Variants in SLC43A1 observed in about 807,000 individuals in gnomAD.
The protein encoded by SLC43A1 is solute carrier family 43 member 1.
In SLC43A1, 31 loss-of-function variants were observed where a neutral mutation model predicts 59.5. The observed-to-expected ratio is 0.52, with a 90% CI of 0.39 to 0.70. The LOEUF (loss-of-function observed/expected upper bound fraction) is 0.70. Among genes scored for constraint, SLC43A1 ranks in the 30% least tolerant of loss-of-function variants. SLC43A1 has a pLI of 0.00. For synonymous variants in SLC43A1, 259 were observed against 290.9 expected, an observed-to-expected ratio of 0.89 and a Z score of 1.12; for missense variants, 598 against 717.8, an observed-to-expected ratio of 0.83 and a Z score of 1.91.
chr11:57,503,297 GTTT>G (rs11402480), intron 2 of SLC43A1, among the ~76,000 whole-genome samples: 3 of 115,862 alleles, frequency 2.6e-5, no homozygotes, highest in African/African-American at 9.9e-5. Context: ...TTCTCTACAG[GTTT>G]TTTTTTTTTT....
chr11:57,496,015 C>A lies in SLC43A1; in HGVS notation c.692+16G>T. On this transcript the variant is annotated intron_variant, in intron 7 of 14. Coordinates refer to ENST00000278426, the MANE Select transcript of SLC43A1 (RefSeq NM_003627.6). ...CTCTGCCCCAGGGAGAGTCTCTGCC[C>A]ACTCCAGCCACTCACGTGTAATTGA... The A allele has an allele frequency of 6.2e-7, 1 of 1,613,316 alleles. No homozygotes were observed. The highest frequency in any genetic ancestry group is 8.5e-7 in the Non-Finnish European group (1 of 1,179,580).
chr11:57,494,199 G>C, intron 7 of SLC43A1, 28 bp from the exon 8 acceptor site: 1 of 1,597,392 alleles, frequency 6.3e-7, no homozygotes, highest in Non-Finnish European at 8.5e-7. Context: ...AGAGTGTAGA[G>C]GAACCAGTCA....
intron 10 of SLC43A1, 58 bp downstream of exon 10, chr11:57,491,531 CCT>C (rs1204888186): frequency 1.2e-6 from 2 of 1,608,784 alleles, no homozygotes; most frequent in Non-Finnish European, 1.7e-6. Context: ...AGTCCCGCCC[CCT>C]GAGAAGCGGG....
intron 5 of SLC43A1, 126 bp downstream of exon 5, chr11:57,500,653 A>T: frequency 1.3e-6 from 1 of 795,620 alleles, no homozygotes; most frequent in Non-Finnish European, 2.1e-6. Flanking sequence ...TCACACACTC[A>T]CTTGATCTAG....
intron 2 of SLC43A1, among the ~76,000 whole-genome samples, chr11:57,506,513 T>C (rs1235958412): frequency 6.6e-6 from 1 of 152,096 alleles, no homozygotes; most frequent in Non-Finnish European, 1.5e-5. Context: ...TCCAGTCTGG[T>C]GACAGAGTGA....
chr11:57,505,495 G>A (rs1944371959), intron 2 of SLC43A1, among the ~76,000 whole-genome samples: 4 of 151,686 alleles, frequency 2.6e-5, no homozygotes, highest in Admixed American at 6.6e-5. Flanking sequence ...CTGGGCTACA[G>A]AGAGAGACTC....
intron 8 of SLC43A1, among the ~76,000 whole-genome samples, chr11:57,493,286 G>A (rs929920234): frequency 1.3e-5 from 2 of 152,112 alleles, no homozygotes; most frequent in Non-Finnish European, 2.9e-5. Context: ...TCGGCACTGG[G>A]GGTAACCACC....
At chr11:57,512,483 G>A (rs1944573423) in intron 2 of SLC43A1, among the ~76,000 whole-genome samples, 1 of 151,584 alleles carries the variant, frequency 6.6e-6, no homozygotes, top group Non-Finnish European at 1.5e-5. Context: ...GGAGAAGGTT[G>A]CAGTGAGCGA....
intron 2 of SLC43A1, among the ~76,000 whole-genome samples, chr11:57,505,152 G>T (rs1480250245): frequency 6.6e-6 from 1 of 152,212 alleles, no homozygotes; most frequent in African/African-American, 2.4e-5. Flanking sequence ...ACTCAAGATG[G>T]GTTCAGGAAG....
intron 8 of SLC43A1, among the ~76,000 whole-genome samples, chr11:57,492,217 A>ATATT (rs1268138418): frequency 2.1e-5 from 3 of 141,864 alleles, no homozygotes; most frequent in South Asian, 2.1e-4. Context: ...ATATATATAT[A>ATATT]TATTTATTTA....
At chr11:57,510,286 A>G (rs1208585997) in intron 2 of SLC43A1, among the ~76,000 whole-genome samples, 2 of 151,610 alleles carry the variant, frequency 1.3e-5, no homozygotes, top group Non-Finnish European at 2.9e-5. Flanking sequence ...GTGAAACCCC[A>G]TCTCTACTGA....
chr11:57,502,930 G>T (rs1408998563), intron 2 of SLC43A1, among the ~76,000 whole-genome samples: 1 of 151,646 alleles, frequency 6.6e-6, no homozygotes, highest in African/African-American at 2.4e-5. Context: ...AAACCAACAA[G>T]GGGACAAGGG....
At chr11:57,498,124 A>G (rs777217964) in intron 5 of SLC43A1, among the ~76,000 whole-genome samples, 2 of 152,234 alleles carry the variant, frequency 1.3e-5, no homozygotes, top group East Asian at 3.9e-4. Flanking sequence ...CCTCTGAAAA[A>G]CACATGGAAT....
rs5792045 is a variant in SLC43A1 at position 57,499,326 on chromosome 11, C to CAAA, written c.465+1450_465+1452dup. 5.1e-3 allele frequency among the ~76,000 whole-genome samples: 721 copies of CAAA among 141,726 alleles called. 7 individuals are homozygous for CAAA. The highest frequency in any genetic ancestry group is 0.018 in the South Asian group (82 of 4,576). 93.0% of individuals were successfully genotyped at this position (141,726 alleles called of 152,430 possible). Reference sequence around the variant, plus strand: ...GCGACACTGCGAGACTCCGTCTCAACAAAAAAAAAAAAAATGGTGTTTAAA... The same window carrying CAAA: ...GCGACACTGCGAGACTCCGTCTCAACAAAAAAAAAAAAAAAAATGGTGTTTAAA... On this transcript the variant is annotated intron_variant, in intron 5 of 14. Coordinates refer to ENST00000278426, the MANE Select transcript of SLC43A1 (RefSeq NM_003627.6).
intron 8 of SLC43A1, among the ~76,000 whole-genome samples, chr11:57,492,320 G>T (rs1212749881): frequency 7.1e-6 from 1 of 140,516 alleles, no homozygotes; most frequent in African/African-American, 2.6e-5. Context: ...AGGCATGGTG[G>T]TGCACACCTG....
At chr11:57,511,411 G>T (rs1055773971) in intron 2 of SLC43A1, among the ~76,000 whole-genome samples, 3 of 151,956 alleles carry the variant, frequency 2.0e-5, no homozygotes, top group Non-Finnish European at 4.4e-5. Flanking sequence ...CTGGGTCACT[G>T]AGTGAGAGAC....
rs764678946 is a variant in SLC43A1 at position 57,488,974 on chromosome 11, G to C, written c.1351C>G (p.Leu451Val). Residue 451 changes from leucine (L) to valine (V), a missense_variant, in exon 13 of 15, where the codon CTG (leucine) becomes GTG (valine). Physicochemically the swap from Leu to Val is conservative, Grantham distance 32. Coordinates refer to ENST00000278426, the MANE Select transcript of SLC43A1 (RefSeq NM_003627.6). The stretch of plus-strand genomic sequence containing the variant: ...AAGAAACCTCGAACAATGGTGTGCA[G>C]GACAAAGGTCACAAACTAAAACCAA... ...NLHLQFVTFV[L>V]HTIVRGFFHS... The C allele has an allele frequency of 6.8e-6, 11 of 1,614,136 alleles. No homozygotes were observed. The highest frequency in any genetic ancestry group is 6.8e-6 in the Non-Finnish European group (8 of 1,179,962).
Position 57,485,251 on chromosome 11 carries a change from C to T in SLC43A1, c.1534-9G>A. On this transcript the variant is annotated splice_polypyrimidine_tract_variant and intron_variant, in intron 14 of 14. Coordinates refer to ENST00000278426, the MANE Select transcript of SLC43A1 (RefSeq NM_003627.6). Reference sequence around the variant, plus strand: ...AGGAGGCCCAGATTCACCTTTAGGGCAAGGAGAGAGAAACAGAGTCAAGTA... The same window carrying T: ...AGGAGGCCCAGATTCACCTTTAGGGTAAGGAGAGAGAAACAGAGTCAAGTA... 8 of 1,607,788 alleles carry T rather than the reference C, an allele frequency of 5.0e-6. No individual in the cohort carries two copies. Among genetic ancestry groups the T allele is most frequent in the Non-Finnish European group, 6.8e-6 (8 of 1,176,946 alleles).
Position 57,484,774 on chromosome 11 carries a change from T to A in SLC43A1, c.*322A>T. On this transcript the variant is annotated 3_prime_UTR_variant, in exon 15 of 15. Transcript: ENST00000278426. ...ACCTCAGGGGTAGCCTGTTTGCCGATCCCCCCAAGAGGTACCAGGAGGCAG... is the reference window on the plus strand; with the variant it reads ...ACCTCAGGGGTAGCCTGTTTGCCGAACCCCCCAAGAGGTACCAGGAGGCAG... 1 of 226,254 alleles carries A rather than the reference T, an allele frequency of 4.4e-6. No individual in the cohort carries two copies. The highest frequency in any genetic ancestry group is 8.1e-5 in the South Asian group (1 of 12,330). The allele number at this position is 226,254 out of a possible 1,614,324, so 14.0% of individuals were successfully genotyped here. A position where few individuals can be genotyped will look rare whatever the true frequency, so the allele number is the denominator to read the frequency against.
Sources: allele counts gnomAD v4.1 joint callset (sites outside exome capture counted in the v4.1 genomes callset), GRCh38; gene constraint gnomAD v4.1.1; transcripts MANE v1.5; gene names NCBI Gene and HGNC (gene_info 2026-07-23, HGNC 2026-07-21).